The following IPO5 variants were observed in gnomAD, a reference collection of about 807,000 sequenced individuals.
The protein encoded by IPO5 is importin-5.
A neutral mutation model predicts 143.3 loss-of-function variants in IPO5; 18 were observed. The observed-to-expected ratio is 0.13, with a 90% CI of 0.09 to 0.19. The LOEUF (loss-of-function observed/expected upper bound fraction) is 0.19. Ranked by LOEUF, IPO5 falls within the 10% of genes least tolerant of loss-of-function variation. IPO5 has a pLI of 1.00. For missense variants in IPO5, 1,013 were observed against 1,336.9 expected, an observed-to-expected ratio of 0.76 and a Z score of 3.78; for synonymous variants, 477 against 465.7, an observed-to-expected ratio of 1.02 and a Z score of -0.31.
At chr13:97,988,941 G>T in intron 6 of IPO5, 121 bp from the exon 7 acceptor site, 6 of 485,930 alleles carry the variant, frequency 1.2e-5, no homozygotes, top group East Asian at 3.5e-5. Flanking sequence ...TTTAAAAATA[G>T]CAAAAGTGAC....
In IPO5 at chr13:98,018,716, T is replaced by C; in HGVS notation, c.2836+12T>C. On this transcript the variant is annotated intron_variant, in intron 26 of 28. Coordinates refer to ENST00000651721, the MANE Select transcript of IPO5 (RefSeq NM_002271.6). ...CCCTTTTTGTACAGGTACGTTTGCT[T>C]ATTCCGTTACGTGCATTTCATTCCA... 1 of 1,598,640 alleles carries C rather than the reference T, an allele frequency of 6.3e-7. No homozygotes were observed. The highest frequency in any genetic ancestry group is 8.6e-7 in the Non-Finnish European group (1 of 1,166,124).
Position 98,019,609 on chromosome 13 carries a change from T to A in IPO5, c.2865T>A (p.Ile955=). The change falls in exon 27 of 29, where the codon ATT becomes ATA. Residue 955 remains isoleucine, a synonymous_variant. Transcript: ENST00000651721. ...CACTTCCCCTGCTGGTAAGAGTTAT[T>A]CAGTCTGCGGATTCTAAGACCAAAG... ...TEALPLLVRV[I]QSADSKTKEN... 1 of 1,613,994 alleles carries A rather than the reference T, an allele frequency of 6.2e-7. No homozygotes were observed. Among genetic ancestry groups the A allele is most frequent in the Non-Finnish European group, 8.5e-7 (1 of 1,179,828 alleles).
chr13:97,964,409 T>C (rs1263740506), intron 2 of IPO5, among the ~76,000 whole-genome samples: 2 of 151,584 alleles, frequency 1.3e-5, no homozygotes, highest in Non-Finnish European at 2.9e-5. Context: ...GTTTTCTGCA[T>C]ATGACTAGCC....
intron 16 of IPO5, among the ~76,000 whole-genome samples, chr13:98,004,670 A>G (rs1287135776): frequency 2.6e-5 from 4 of 152,134 alleles, no homozygotes; most frequent in Non-Finnish European, 5.9e-5. Flanking sequence ...AGGAGGAAAG[A>G]CATTTCCTCT....
chr13:97,992,646 T>C (rs1295818672), intron 9 of IPO5, among the ~76,000 whole-genome samples: 1 of 152,226 alleles, frequency 6.6e-6, no homozygotes, highest in Non-Finnish European at 1.5e-5. Flanking sequence ...ATGGTTATTA[T>C]AGTTTCACTG....
At chr13:97,966,024 C>G (rs892744733) in intron 2 of IPO5, among the ~76,000 whole-genome samples, 1 of 151,206 alleles carries the variant, frequency 6.6e-6, no homozygotes, top group African/African-American at 2.4e-5. Context: ...TGCCTTAATC[C>G]CAGCTACTCA....
At chr13:97,979,760 G>C (rs1469942597) in intron 4 of IPO5, 15 of 400,736 alleles carry the variant, frequency 3.7e-5, no homozygotes, top group South Asian at 1.1e-4. Context: ...TTGAACTCCT[G>C]GCCTCAAGTG....
At chr13:98,017,677 C>T (rs1393921188) in intron 25 of IPO5, among the ~76,000 whole-genome samples, 1 of 152,166 alleles carries the variant, frequency 6.6e-6, no homozygotes, top group Non-Finnish European at 1.5e-5. Flanking sequence ...TGTGCCTCTG[C>T]CCCTGTGCGT....
intron 2 of IPO5, among the ~76,000 whole-genome samples, chr13:97,958,262 G>A (rs1446226300): frequency 6.6e-6 from 1 of 151,894 alleles, no homozygotes; most frequent in Non-Finnish European, 1.5e-5. Flanking sequence ...GGGCTCCATT[G>A]TCCCTCTATC....
intron 5 of IPO5, among the ~76,000 whole-genome samples, chr13:97,983,909 C>G (rs980865405): frequency 1.6e-5 from 2 of 121,314 alleles, no homozygotes; most frequent in Non-Finnish European, 3.4e-5. Flanking sequence ...GTAACCTGTT[C>G]TTTTCTGTAA....
rs926468112 is a variant in IPO5, at chr13:97,983,919, A to G, written c.171+1336A>G. ...CTTTTGTAACCTGTTCTTTTCTGTA[A>G]CTCAAAATGGATGTCAAATATGAAG... is the stretch of plus-strand genomic sequence containing the variant. On this transcript the variant is annotated intron_variant, in intron 5 of 28. Transcript: ENST00000651721. Among the ~76,000 whole-genome samples the G allele has an allele frequency of 4.1e-5, 6 of 147,436 alleles. 1 individual carries two copies. The highest frequency in any genetic ancestry group is 3.7e-3 in the Middle Eastern group (1 of 272).
intron 16 of IPO5, among the ~76,000 whole-genome samples, chr13:98,004,396 G>A (rs1393479344): frequency 6.6e-6 from 1 of 152,172 alleles, no homozygotes. Context: ...GGAAACATTC[G>A]TGTGCCCGAA....
Position 97,993,094 on chromosome 13 carries a change from C to T in IPO5, c.793-11C>T, listed in dbSNP as rs1218699668. On this transcript the variant is annotated splice_polypyrimidine_tract_variant and intron_variant, in intron 10 of 28. Coordinates refer to ENST00000651721, the MANE Select transcript of IPO5 (RefSeq NM_002271.6). ...AATTATTAAATGTATACAAATATGT[C>T]TTCTTTGTAGTTGTGTGGAGACACT... The T allele has an allele frequency of 1.2e-6, 2 of 1,613,702 alleles. No individual in the cohort carries two copies. Among genetic ancestry groups the T allele is most frequent in the Non-Finnish European group, 1.7e-6 (2 of 1,179,768 alleles).
Position 97,993,031 on chromosome 13 carries a change from A to G in IPO5, c.792+17A>G. ...AGTCTAAAGGTAAATTAAGTACGTT[A>G]GTAAACGTTCTGTTTGTTATTTTCA... On this transcript the variant is annotated intron_variant, in intron 10 of 28. Coordinates refer to ENST00000651721, the MANE Select transcript of IPO5 (RefSeq NM_002271.6). The G allele has an allele frequency of 6.2e-7, 1 of 1,611,884 alleles. No homozygotes were observed. Among genetic ancestry groups the G allele is most frequent in the Non-Finnish European group, 8.5e-7 (1 of 1,178,320 alleles).
At chr13:98,000,490 C>A (rs758137941) in intron 12 of IPO5, 49 bp from the exon 13 acceptor site, 10 of 1,169,062 alleles carry the variant, frequency 8.6e-6, no homozygotes, top group African/African-American at 1.5e-5. Flanking sequence ...TATACTATTT[C>A]TTTTGTGTTT....
intron 4 of IPO5, among the ~76,000 whole-genome samples, chr13:97,980,217 T>C (rs16954687): frequency 0.027 from 4,084 of 152,332 alleles, 156 homozygotes; most frequent in African/African-American, 0.082. Flanking sequence ...CATCCCTGTC[T>C]GTGTGGAACT....
chr13:97,969,173 A>ATTTTTTTTTTTTTTTTT (rs1363779886), intron 2 of IPO5, among the ~76,000 whole-genome samples: 1 of 70,142 alleles, frequency 1.4e-5, no homozygotes, highest in African/African-American at 6.7e-5. Context: ...ATATATATAT[A>ATTTTTTTTTTTTTTTTT]TATTTTTTTT....
intron 2 of IPO5, among the ~76,000 whole-genome samples, chr13:97,956,290 G>T (rs1884453880): frequency 6.6e-6 from 1 of 152,112 alleles, no homozygotes; most frequent in Non-Finnish European, 1.5e-5. Flanking sequence ...AATTAAATAA[G>T]ATAAAGCATA....
chr13:98,012,392 T>C (rs1297032112), intron 21 of IPO5, 50 bp downstream of exon 21: 1 of 1,123,894 alleles, frequency 8.9e-7, no homozygotes, highest in Admixed American at 1.7e-5. Flanking sequence ...AGTAAACTTG[T>C]AGTTTCTTGG....
Sources: gnomAD v4.1 joint callset for allele counts (sites outside exome capture counted in the v4.1 genomes callset) on GRCh38, gnomAD v4.1.1 for gene constraint, MANE v1.5 for transcripts, NCBI Gene and HGNC (gene_info 2026-07-23, HGNC 2026-07-21) for gene names.